Variants in JAML observed in about 807,000 individuals in gnomAD.
JAML encodes the protein junction adhesion molecule like.
JAML carries 25 observed loss-of-function variants against 39.3 expected under a neutral mutation model. The observed-to-expected ratio is 0.64, with a 90% CI of 0.46 to 0.89. The LOEUF (loss-of-function observed/expected upper bound fraction) is 0.89, where lower values mean the gene tolerates loss of function less well. Ranked by LOEUF, JAML falls within the 40% of genes least tolerant of loss-of-function variation. JAML has a pLI of 0.00. For missense variants in JAML, 440 were observed against 486.9 expected, an observed-to-expected ratio of 0.90 and a Z score of 0.91; for synonymous variants, 162 against 179.2, an observed-to-expected ratio of 0.90 and a Z score of 0.77.
intron 1 of JAML, among the ~76,000 whole-genome samples, chr11:118,215,782 T>G (rs558790683): frequency 6.2e-4 from 94 of 152,156 alleles, no homozygotes; most frequent in Non-Finnish European, 1.1e-3. Context: ...ATTCATTTCA[T>G]TGCATTTACC....
At chr11:118,200,660 G>T in intron 6 of JAML, 48 bp from the exon 7 acceptor site, 1 of 1,610,522 alleles carries the variant, frequency 6.2e-7, no homozygotes, top group Non-Finnish European at 8.5e-7. Flanking sequence ...CTTTAGCAAA[G>T]AGCTGAGAGC....
Position 118,203,428 on chromosome 11 carries a change from T to G in JAML, c.772A>C (p.Thr258Pro). 5.0e-6 allele frequency: 8 copies of G among 1,613,626 alleles called. No individual in the cohort carries two copies. Among genetic ancestry groups the G allele is most frequent in the Non-Finnish European group, 6.8e-6 (8 of 1,179,598 alleles). The change falls in exon 6 of 10, where the codon ACA (threonine) becomes CCA (proline). Residue 258 changes from threonine (T) to proline (P), a missense_variant and splice_region_variant. Coordinates refer to ENST00000356289, the MANE Select transcript of JAML (RefSeq NM_001098526.2). Reference protein sequence around the residue: ...VLHVSPEEPRTLVTPAALRPL... With the variant: ...VLHVSPEEPRPLVTPAALRPL... ...TGCTCCCCAGCCAAATGTTAGATAC[T>G]TCGAGGCTCTTCCGGGCTGACATGC...
intron 9 of JAML, 105 bp downstream of exon 9, chr11:118,196,630 A>C: frequency 1.1e-6 from 1 of 896,138 alleles, no homozygotes; most frequent in East Asian, 2.4e-5. Flanking sequence ...TACTTAGAAA[A>C]ATCACCGCCC....
At chr11:118,196,969 G>A (rs1044384125) in intron 8 of JAML, 148 bp from the exon 9 acceptor site, 7 of 616,208 alleles carry the variant, frequency 1.1e-5, no homozygotes, top group Non-Finnish European at 2.0e-5. Flanking sequence ...TCTCAACAAT[G>A]ATAATTCAGT....
At chr11:118,209,369 A>G (rs1240627055) in intron 4 of JAML, among the ~76,000 whole-genome samples, 2 of 152,162 alleles carry the variant, frequency 1.3e-5, no homozygotes, top group Non-Finnish European at 2.9e-5. Context: ...TGCAGGTGGG[A>G]GCCTAGGGTC....
intron 4 of JAML, among the ~76,000 whole-genome samples, chr11:118,208,124 G>A (rs924445067): frequency 1.3e-5 from 2 of 151,834 alleles, no homozygotes; most frequent in South Asian, 2.1e-4. Context: ...CTAGCTACTC[G>A]GGAAGTTGAG....
rs547405536 is a variant in JAML, at chr11:118,200,113, C to G, written c.911+361G>C. On this transcript the variant is annotated intron_variant, in intron 7 of 9. Transcript: ENST00000356289. ...CCACTGGCAACCCTTAAGATCTTAGCTTCTATGCGGAACGTACAGTATGGA... is the reference window on the plus strand; with the variant it reads ...CCACTGGCAACCCTTAAGATCTTAGGTTCTATGCGGAACGTACAGTATGGA... 2.1e-3 allele frequency among the ~76,000 whole-genome samples: 323 copies of G among 152,252 alleles called. 1 individual carries two copies. Among genetic ancestry groups the G allele is most frequent in the Middle Eastern group, 6.8e-3 (2 of 294 alleles).
intron 9 of JAML, 65 bp downstream of exon 9, chr11:118,196,670 C>T (rs1425283678): frequency 1.6e-5 from 23 of 1,438,062 alleles, no homozygotes; most frequent in Middle Eastern, 2.1e-4. Flanking sequence ...AACCCAGCCA[C>T]GCCCACCACC....
chr11:118,212,773 A>G lies in JAML; in HGVS notation c.44-212T>C, dbSNP rs554378201. 5 of 1,587,868 alleles carry G rather than the reference A, an allele frequency of 3.1e-6. No individual in the cohort carries two copies. In the African/African-American group the frequency reaches 6.8e-5, roughly 22 times the overall value. ...AGGATTCTGCAATCTTCATACTACA[A>G]TAAATGCTATCTGGCTCCCTCCTCC... On this transcript the variant is annotated intron_variant, in intron 2 of 9. Transcript: ENST00000356289.
At chr11:118,198,177 G>T in intron 7 of JAML, 86 bp from the exon 8 acceptor site, 2 of 1,093,918 alleles carry the variant, frequency 1.8e-6, no homozygotes, top group Non-Finnish European at 2.8e-6. Flanking sequence ...TTGGCTTCGT[G>T]AAGAGAGAGA....
rs187949480 is a variant in JAML, at chr11:118,213,599, C to T, written c.44-1038G>A. 5.0e-3 allele frequency among the ~76,000 whole-genome samples: 765 copies of T among 152,266 alleles called. 7 individuals carry two copies. The highest frequency in any genetic ancestry group is 0.01 in the Middle Eastern group (3 of 294). ...CATGTGTGATTGAAAGTGTAATAAG[C>T]GAATTTAATATTAAGAACACTGTGT... On this transcript the variant is annotated intron_variant, in intron 2 of 9. Coordinates refer to ENST00000356289, the MANE Select transcript of JAML (RefSeq NM_001098526.2).
intron 7 of JAML, among the ~76,000 whole-genome samples, chr11:118,199,703 T>A (rs1948736609): frequency 1.4e-5 from 2 of 145,896 alleles, no homozygotes; most frequent in South Asian, 2.2e-4. Context: ...ATTTTTTTTT[T>A]TTTTTTTTTT....
At chr11:118,203,252 G>A in intron 6 of JAML, 176 bp downstream of exon 6, 1 of 746,832 alleles carries the variant, frequency 1.3e-6, no homozygotes, top group South Asian at 1.5e-5. Context: ...CCAGGCACCT[G>A]AGGAGCCACC....
At chr11:118,216,301 G>A (rs1231210731) in intron 1 of JAML, among the ~76,000 whole-genome samples, 1 of 151,744 alleles carries the variant, frequency 6.6e-6, no homozygotes, top group Non-Finnish European at 1.5e-5. Flanking sequence ...CCTGGTAGGC[G>A]GAGCTTGCAG....
chr11:118,201,228 T>A (rs1430359951), intron 6 of JAML: 1 of 152,284 alleles, frequency 6.6e-6, no homozygotes, highest in Non-Finnish European at 1.5e-5. Flanking sequence ...ACAACAGAAG[T>A]CTGTATGGGG....
intron 4 of JAML, among the ~76,000 whole-genome samples, chr11:118,208,687 C>T (rs1948975690): frequency 6.6e-6 from 1 of 152,244 alleles, no homozygotes; most frequent in Non-Finnish European, 1.5e-5. Flanking sequence ...CCTTCTATTC[C>T]ACACTCTTAA....
chr11:118,216,119 C>A (rs1461598505), intron 1 of JAML, among the ~76,000 whole-genome samples: 1 of 152,188 alleles, frequency 6.6e-6, no homozygotes. Flanking sequence ...CACCTGTAAT[C>A]CCAGCACTTT....
At chr11:118,204,724 G>A (rs1439530814) in intron 5 of JAML, 1 of 152,146 alleles carries the variant, frequency 6.6e-6, no homozygotes, top group Non-Finnish European at 1.5e-5. Flanking sequence ...ATTGCCTGAT[G>A]TATTATATAC....
rs114516287 is a variant in JAML, at chr11:118,221,723, C to G, written c.-21+3218G>C. Among the ~76,000 whole-genome samples, 1,085 of 152,278 alleles carry G rather than the reference C, an allele frequency of 7.1e-3. 10 individuals carry two copies. The highest frequency in any genetic ancestry group is 0.025 in the African/African-American group (1,024 of 41,552). ...AAAGCTTTGCCCTCTCACAGTGGTG[C>G]CCTGGGTTCAATTCCTGGCTCCAAA... On this transcript the variant is annotated intron_variant, in intron 1 of 9. Transcript: ENST00000356289.
Sources: allele counts gnomAD v4.1 joint callset (sites outside exome capture counted in the v4.1 genomes callset), GRCh38; gene constraint gnomAD v4.1.1; transcripts MANE v1.5; gene names NCBI Gene and HGNC (gene_info 2026-07-23, HGNC 2026-07-21).